Variants in TPGS1 observed in about 807,000 individuals in gnomAD.
The protein encoded by TPGS1 is tubulin polyglutamylase complex subunit 1.
TPGS1 carries 18 observed loss-of-function variants against 11.9 expected under a neutral mutation model. That is an observed-to-expected ratio of 1.51 (90% CI 1.04 to 2.24). The LOEUF (loss-of-function observed/expected upper bound fraction) is 2.24, where lower values mean the gene tolerates loss of function less well. Among genes scored for constraint, TPGS1 ranks in the 30% most tolerant of loss-of-function variants. The probability of loss-of-function intolerance (pLI) is 0.00; values close to 1 mark genes in which losing one functional copy is unlikely to be tolerated. For synonymous variants in TPGS1, 247 were observed against 218.2 expected (o/e 1.13, Z -1.16); for missense variants, 500 against 443.0 (o/e 1.13, Z -1.16).
Position 519,062 on chromosome 19 carries a change from G to A in TPGS1, c.512G>A (p.Arg171His), listed in dbSNP as rs1269903141. The change falls in exon 2 of 2, where the codon CGT becomes CAT. Residue 171 changes from arginine (R) to histidine (H), a missense_variant. Coordinates refer to ENST00000359315, the MANE Select transcript of TPGS1 (RefSeq NM_033513.3). Reference protein sequence around the residue: ...VAPLLRKVQCRDHEAVPLSVF... With the variant: ...VAPLLRKVQCHDHEAVPLSVF... The stretch of plus-strand genomic sequence containing the variant: ...CCGCTGCTGCGCAAGGTGCAGTGCC[G>A]TGACCACGAGGCGGTGCCGCTGAGC... 1.9e-6 allele frequency: 3 copies of A among 1,538,630 alleles called. No individual in the cohort carries two copies. The highest frequency in any genetic ancestry group is 2.6e-6 in the Non-Finnish European group (3 of 1,148,730).
intron 1 of TPGS1, among the ~76,000 whole-genome samples, chr19:514,985 G>A (rs942754073): frequency 5.9e-5 from 9 of 152,168 alleles, no homozygotes; most frequent in Non-Finnish European, 8.8e-5. Context: ...GCAGGGAATC[G>A]AACCCACCCC....
intron 1 of TPGS1, chr19:509,421 G>A (rs59172096): frequency 0.014 from 2,208 of 152,796 alleles, 59 homozygotes; most frequent in African/African-American, 0.05. Flanking sequence ...GAGGGCTGCT[G>A]GAACAAATTA....
rs1357124585 is a variant in TPGS1, at chr19:518,877, C to T, written c.339-12C>T. ...CGGTCTCTGCCGGCCCCCAACGTCC[C>T]CGTCTCCGCAGGGCCGCCTTCAACA... On this transcript the variant is annotated splice_polypyrimidine_tract_variant and intron_variant, in intron 1 of 1. Coordinates refer to ENST00000359315, the MANE Select transcript of TPGS1 (RefSeq NM_033513.3). The T allele has an allele frequency of 5.3e-6, 8 of 1,498,462 alleles. No individual in the cohort carries two copies. In the Middle Eastern group the frequency reaches 5.6e-4, roughly 104 times the overall value. The allele number at this position is 1,498,462 out of a possible 1,614,324, so 92.8% of individuals were successfully genotyped here. A position where few individuals can be genotyped will look rare whatever the true frequency, so the allele number is the denominator to read the frequency against.
intron 1 of TPGS1, among the ~76,000 whole-genome samples, chr19:518,645 G>C (rs369162026): frequency 7.2e-6 from 1 of 138,616 alleles, no homozygotes. Context: ...GGAGAGGCCC[G>C]GGCTGGGGAT....
Position 507,550 on chromosome 19 carries a change from CCGGTTTCACGGACAGCGGCCGCCAGT to C in TPGS1, c.49_74del (p.Phe17IlefsTer147). The C allele has an allele frequency of 7.0e-7, 1 of 1,419,322 alleles. No individual in the cohort carries two copies. The highest frequency in any genetic ancestry group is 1.5e-5 in the South Asian group (1 of 66,612). 87.9% of individuals were successfully genotyped at this position (1,419,322 alleles called of 1,614,324 possible). Reference sequence around the variant, plus strand: ...CGGCGGCAAGCGGTACCACCGCCGGCCGGTTTCACGGACAGCGGCCGCCAGTCGGTATCCCGGGCGGCGGGGGCGGC... The same window carrying C: ...CGGCGGCAAGCGGTACCACCGCCGGCCGGTATCCCGGGCGGCGGGGGCGGC... On this transcript the variant is annotated frameshift_variant, in exon 1 of 2. Transcript: ENST00000359315. LOFTEE classifies it high-confidence loss of function.
chr19:511,346 T>G (rs1032922878), intron 1 of TPGS1, among the ~76,000 whole-genome samples: 15 of 152,250 alleles, frequency 9.9e-5, no homozygotes, highest in African/African-American at 3.6e-4. Flanking sequence ...CCTTCCTGTC[T>G]CCTGCCGTCA....
intron 1 of TPGS1, 43 bp from the exon 2 acceptor site, chr19:518,846 G>C: frequency 6.8e-7 from 1 of 1,466,008 alleles, no homozygotes; most frequent in Non-Finnish European, 9.0e-7. Flanking sequence ...GGGCTGGGTG[G>C]GCGCGCGGTC....
At position 519,562 on chromosome 19, in the gene TPGS1, A is replaced by G. The variant is rs1409041727; in HGVS notation, c.*139A>G. On this transcript the variant is annotated 3_prime_UTR_variant, in exon 2 of 2. Coordinates refer to ENST00000359315, the MANE Select transcript of TPGS1 (RefSeq NM_033513.3). ...GCGGAGGAGGCCGGGGCTCCCAGGA[A>G]GCGGACGCCCGGTCCCCACACAGCG... 2.2e-5 allele frequency: 18 copies of G among 808,860 alleles called. No individual in the cohort carries two copies. Among genetic ancestry groups the G allele is most frequent in the Non-Finnish European group, 2.6e-5 (16 of 622,616 alleles). 50.1% of individuals were successfully genotyped at this position (808,860 alleles called of 1,614,324 possible).
At chr19:514,977 A>C (rs1978908647) in intron 1 of TPGS1, among the ~76,000 whole-genome samples, 1 of 152,208 alleles carries the variant, frequency 6.6e-6, no homozygotes, top group Non-Finnish European at 1.5e-5. Context: ...TCACTGGGGC[A>C]GGGAATCGAA....
intron 1 of TPGS1, among the ~76,000 whole-genome samples, chr19:514,184 C>A (rs905849524): frequency 2.0e-5 from 3 of 151,982 alleles, no homozygotes; most frequent in African/African-American, 4.8e-5. Context: ...TACTGAGCAC[C>A]TATTGCATGC....
Position 517,664 on chromosome 19 carries a change from G to A in TPGS1, c.339-1225G>A, listed in dbSNP as rs866746767. Among the ~76,000 whole-genome samples the A allele has an allele frequency of 7.3e-3, 145 of 19,748 alleles. 4 individuals are homozygous for A. Among genetic ancestry groups the A allele is most frequent in the East Asian group, 0.023 (14 of 610 alleles). The allele number at this position is 19,748 out of a possible 152,430, so 13.0% of individuals were successfully genotyped here. A position where few individuals can be genotyped will look rare whatever the true frequency, so the allele number is the denominator to read the frequency against. On this transcript the variant is annotated intron_variant, in intron 1 of 1. Coordinates refer to ENST00000359315, the MANE Select transcript of TPGS1 (RefSeq NM_033513.3). ...CCAGGCTGGGGGGTGCTGGGAGGAC[G>A]GAGGCCAGGCTGGGTGGGGGCTGGG... is the stretch of plus-strand genomic sequence containing the variant.
At chr19:510,734 C>G (rs1230227151) in intron 1 of TPGS1, among the ~76,000 whole-genome samples, 2 of 152,230 alleles carry the variant, frequency 1.3e-5, no homozygotes, top group Non-Finnish European at 2.9e-5. Flanking sequence ...CCTCAGCCAC[C>G]ACGTTGCTCA....
chr19:515,400 CAAAAAA>C (rs71333289), intron 1 of TPGS1, among the ~76,000 whole-genome samples: 2 of 95,096 alleles, frequency 2.1e-5, no homozygotes, highest in African/African-American at 7.0e-5. Context: ...GACCCTGTCT[CAAAAAA>C]AAAAAAAAAA....
At chr19:518,807 G>T in intron 1 of TPGS1, 82 bp from the exon 2 acceptor site, 1 of 1,391,836 alleles carries the variant, frequency 7.2e-7, no homozygotes, top group South Asian at 1.6e-5. Context: ...GGGAGGCTAG[G>T]GCATAGGCCT....
intron 1 of TPGS1, among the ~76,000 whole-genome samples, chr19:518,644 C>T (rs1373455696): frequency 3.9e-5 from 3 of 76,730 alleles, no homozygotes; most frequent in South Asian, 4.9e-4. Flanking sequence ...AGGAGAGGCC[C>T]GGGCTGGGGA....
chr19:516,690 C>T (rs577813369), intron 1 of TPGS1, among the ~76,000 whole-genome samples: 1 of 152,178 alleles, frequency 6.6e-6, no homozygotes, highest in Non-Finnish European at 1.5e-5. Flanking sequence ...GCCAACATTT[C>T]TCACATCTTG....
At chr19:515,094 G>A (rs1034259190) in intron 1 of TPGS1, among the ~76,000 whole-genome samples, 2 of 152,216 alleles carry the variant, frequency 1.3e-5, no homozygotes, top group Non-Finnish European at 2.9e-5. Context: ...TCAGCTCTAC[G>A]GTTCTGGTCG....
At chr19:512,360 A>C (rs1256627917) in intron 1 of TPGS1, among the ~76,000 whole-genome samples, 1 of 151,886 alleles carries the variant, frequency 6.6e-6, no homozygotes, top group Non-Finnish European at 1.5e-5. Context: ...ACAGGATCTC[A>C]CTATGTTGCC....
intron 1 of TPGS1, chr19:508,903 G>C (rs1254681331): frequency 6.6e-6 from 1 of 152,584 alleles, no homozygotes; most frequent in Non-Finnish European, 1.5e-5. Context: ...TGGCCCAGTG[G>C]CTCTGAAGGC....
Sources: allele counts gnomAD v4.1 joint callset (sites outside exome capture counted in the v4.1 genomes callset), GRCh38; gene constraint gnomAD v4.1.1; transcripts MANE v1.5; gene names NCBI Gene and HGNC (gene_info 2026-07-23, HGNC 2026-07-21).